Variants in TBC1D1 observed in about 807,000 individuals in gnomAD.
TBC1D1 encodes TBC1 domain family member 1.
Under a neutral mutation model 125.6 loss-of-function variants are expected in TBC1D1, and 89 were observed. The ratio of observed to expected loss-of-function variants is 0.71; its 90% CI spans 0.60 to 0.85. The LOEUF (loss-of-function observed/expected upper bound fraction) is 0.85. TBC1D1 is among the 40% of genes least tolerant of loss of function. TBC1D1 has a pLI of 0.00. For synonymous variants in TBC1D1, 565 were observed against 564.1 expected (o/e 1.00, Z -0.02); for missense variants, 1,377 against 1,469.2 (o/e 0.94, Z 1.03).
intron 18 of TBC1D1, among the ~76,000 whole-genome samples, chr4:38,126,987 C>T (rs189794949): frequency 6.6e-6 from 1 of 151,940 alleles, no homozygotes; most frequent in East Asian, 1.9e-4. Context: ...TTCATTCATT[C>T]TTTCTTTCAT....
intron 12 of TBC1D1, among the ~76,000 whole-genome samples, chr4:38,083,098 T>C (rs1756857416): frequency 6.6e-6 from 1 of 152,188 alleles, no homozygotes; most frequent in African/African-American, 2.4e-5. Context: ...ATAGCTCTTT[T>C]TCGAGCCCTT....
intron 2 of TBC1D1, chr4:37,960,988 A>G (rs199908908): frequency 1.9e-6 from 3 of 1,578,460 alleles, no homozygotes; most frequent in Non-Finnish European, 2.6e-6. Context: ...TCCTTCAAGC[A>G]TTCTGTCGAC....
rs1234838353 is a variant in TBC1D1, at chr4:38,049,225, A to G, written c.1630-393A>G. 2.0e-5 allele frequency among the ~76,000 whole-genome samples: 3 copies of G among 152,210 alleles called. No individual in the cohort carries two copies. The East Asian group carries it at 5.8e-4, about 29-fold the overall frequency. On this transcript the variant is annotated intron_variant, in intron 10 of 19. Coordinates refer to ENST00000261439, the MANE Select transcript of TBC1D1 (RefSeq NM_015173.4). ...AAATGTGGGTTTAACATGAGTGAAC[A>G]CATGTGGCAAAGATAAAGAACTTGG...
intron 2 of TBC1D1, among the ~76,000 whole-genome samples, chr4:37,930,205 T>C (rs771636318): frequency 7.2e-5 from 11 of 152,030 alleles, no homozygotes; most frequent in Admixed American, 3.3e-4. Flanking sequence ...AAAACACGAG[T>C]GAATTCTAAA....
chr4:37,962,641 C>A (rs1730275486), intron 2 of TBC1D1, among the ~76,000 whole-genome samples: 1 of 152,324 alleles, frequency 6.6e-6, no homozygotes, highest in South Asian at 2.1e-4. Flanking sequence ...ACCTCTCAGA[C>A]TTCAGTTTCA....
At chr4:38,011,404 C>T (rs1029657715) in intron 2 of TBC1D1, among the ~76,000 whole-genome samples, 2 of 151,808 alleles carry the variant, frequency 1.3e-5, no homozygotes, top group Non-Finnish European at 2.9e-5. Flanking sequence ...GCCCCAGGTC[C>T]ATTCTGGTAG....
intron 16 of TBC1D1, among the ~76,000 whole-genome samples, chr4:38,116,694 C>T (rs1167191565): frequency 6.6e-6 from 1 of 152,284 alleles, no homozygotes; most frequent in African/African-American, 2.4e-5. Context: ...AACACAGTAG[C>T]GTATTGCAAA....
chr4:38,073,064 GA>G (rs1378032996), intron 12 of TBC1D1, among the ~76,000 whole-genome samples: 1 of 151,986 alleles, frequency 6.6e-6, no homozygotes. Context: ...TGGCTATTGT[GA>G]AGACTGCAGC....
intron 12 of TBC1D1, among the ~76,000 whole-genome samples, chr4:38,074,762 C>A (rs1755279247): frequency 7.1e-6 from 1 of 141,202 alleles, no homozygotes. Context: ...TAGTCTCTCT[C>A]TCTTTTTTTT....
Position 37,954,509 on chromosome 4 carries a change from G to A in TBC1D1, c.417+51997G>A, listed in dbSNP as rs192821239. Among the ~76,000 whole-genome samples, 1,158 of 152,226 alleles carry A rather than the reference G, an allele frequency of 7.6e-3. 8 individuals are homozygous for A. Among genetic ancestry groups the A allele is most frequent in the Middle Eastern group, 0.027 (8 of 294 alleles). On this transcript the variant is annotated intron_variant, in intron 2 of 19. Coordinates refer to ENST00000261439, the MANE Select transcript of TBC1D1 (RefSeq NM_015173.4). ...AAAATTAGGGTTATTTTAGTGAAGAGGAAATGGGAGAATCATTATTAGGTA... is the reference window on the plus strand; with the variant it reads ...AAAATTAGGGTTATTTTAGTGAAGAAGAAATGGGAGAATCATTATTAGGTA...
At chr4:37,989,774 G>A (rs1450555417) in intron 2 of TBC1D1, among the ~76,000 whole-genome samples, 2 of 152,148 alleles carry the variant, frequency 1.3e-5, no homozygotes, top group East Asian at 3.8e-4. Flanking sequence ...GTGTGACCTT[G>A]CCCAAGGTCA....
intron 12 of TBC1D1, among the ~76,000 whole-genome samples, chr4:38,072,659 A>G (rs995505949): frequency 3.9e-5 from 6 of 152,226 alleles, no homozygotes; most frequent in Admixed American, 1.3e-4. Flanking sequence ...CATCTAAACC[A>G]TATTTAAGTA....
At chr4:37,965,382 C>T (rs1459269326) in intron 2 of TBC1D1, among the ~76,000 whole-genome samples, 1 of 152,224 alleles carries the variant, frequency 6.6e-6, no homozygotes, top group Non-Finnish European at 1.5e-5. Context: ...ACTCAATACA[C>T]ATTATGTTTT....
At chr4:38,067,374 A>T (rs1471469565) in intron 12 of TBC1D1, among the ~76,000 whole-genome samples, 1 of 152,158 alleles carries the variant, frequency 6.6e-6, no homozygotes, top group Non-Finnish European at 1.5e-5. Context: ...AGTTCTGGTG[A>T]TAAGTTATGG....
At chr4:37,932,701 C>T (rs1723516934) in intron 2 of TBC1D1, among the ~76,000 whole-genome samples, 1 of 152,154 alleles carries the variant, frequency 6.6e-6, no homozygotes, top group East Asian at 1.9e-4. Flanking sequence ...GAACCCAGTG[C>T]TCCTCTCCTC....
intron 12 of TBC1D1, among the ~76,000 whole-genome samples, chr4:38,067,354 G>A (rs56183700): frequency 0.043 from 6,542 of 152,262 alleles, 461 homozygotes; most frequent in African/African-American, 0.15. Context: ...GAGAATGTTC[G>A]ATGAACAGCA....
intron 10 of TBC1D1, 84 bp from the exon 11 acceptor site, chr4:38,049,534 A>G (rs897118068): frequency 3.6e-5 from 52 of 1,461,916 alleles, no homozygotes; most frequent in African/African-American, 1.8e-4. Context: ...AGATACTGCA[A>G]TGTTTGCCCG....
At chr4:37,987,903 C>G (rs1047338865) in intron 2 of TBC1D1, among the ~76,000 whole-genome samples, 2 of 152,168 alleles carry the variant, frequency 1.3e-5, no homozygotes, top group Non-Finnish European at 2.9e-5. Flanking sequence ...CTTTAGGAGT[C>G]GATTCTGCAT....
At chr4:37,979,809 C>T (rs768774638) in intron 2 of TBC1D1, among the ~76,000 whole-genome samples, 2 of 152,234 alleles carry the variant, frequency 1.3e-5, no homozygotes, top group African/African-American at 2.4e-5. Context: ...GACAGAGCTT[C>T]GCTCTTGTTG....
Sources: gnomAD v4.1 joint callset for allele counts (sites outside exome capture counted in the v4.1 genomes callset) on GRCh38, gnomAD v4.1.1 for gene constraint, MANE v1.5 for transcripts, NCBI Gene and HGNC (gene_info 2026-07-23, HGNC 2026-07-21) for gene names.